GMCL1: variants seen among roughly 807,000 people sequenced by gnomAD.
GMCL1 encodes the protein germ cell-less 1, spermatogenesis associated, also known as germ cell-less protein-like 1.
GMCL1 carries 54 observed loss-of-function variants against 75.5 expected under a neutral mutation model. The observed-to-expected ratio is 0.71, with a 90% confidence interval of 0.57 to 0.90. The LOEUF (loss-of-function observed/expected upper bound fraction) is 0.90, where lower values mean the gene tolerates loss of function less well. GMCL1 is among the 40% of genes least tolerant of loss of function. GMCL1 has a pLI of 0.00. For missense variants in GMCL1, 537 were observed against 622.7 expected (o/e 0.86, Z 1.47); for synonymous variants, 210 against 209.6 (o/e 1.00, Z -0.02).
chr2:69,854,505 C>T (rs944777722), intron 8 of GMCL1, among the ~76,000 whole-genome samples: 3 of 152,066 alleles, frequency 2.0e-5, no homozygotes, highest in South Asian at 2.1e-4. Flanking sequence ...GGGATTCTGG[C>T]GAGAATGTGT....
In GMCL1 at chr2:69,830,142, AC is replaced by A. The variant is rs753268354; in HGVS notation, c.254del (p.Pro85LeufsTer6). The A allele has an allele frequency of 5.1e-6, 8 of 1,563,892 alleles. No individual in the cohort carries two copies. In the South Asian group the frequency reaches 9.4e-5, roughly 18 times the overall value. ...GGACGAGCAGCAGCGGCTCCTCAAC[AC>A]CCCTCGAAGGTACGTGGGGGCACGC... ...EGDEQQRLLN[T>X]PRRKKLKSTS... On this transcript the variant is annotated frameshift_variant, in exon 1 of 14. Coordinates refer to ENST00000282570, the MANE Select transcript of GMCL1 (RefSeq NM_178439.5). LOFTEE classifies it high-confidence loss of function.
chr2:69,854,768 T>G, intron 8 of GMCL1, 55 bp from the exon 9 acceptor site: 3 of 1,488,446 alleles, frequency 2.0e-6, no homozygotes, highest in Non-Finnish European at 2.8e-6. Context: ...ACAAAAACAT[T>G]TAAGAATAAT....
intron 9 of GMCL1, among the ~76,000 whole-genome samples, chr2:69,858,361 A>C (rs555058893): frequency 6.6e-6 from 1 of 152,354 alleles, no homozygotes; most frequent in Non-Finnish European, 1.5e-5. Context: ...AAAGTTTAAA[A>C]TAAGTGCGGA....
chr2:69,856,108 G>A (rs1418700706), intron 9 of GMCL1, among the ~76,000 whole-genome samples: 5 of 152,136 alleles, frequency 3.3e-5, no homozygotes, highest in East Asian at 1.9e-4. Context: ...CATTGTTACC[G>A]TATCTTACAG....
chr2:69,836,712 C>G (rs1310213078), intron 1 of GMCL1, among the ~76,000 whole-genome samples: 5 of 152,144 alleles, frequency 3.3e-5, no homozygotes, highest in African/African-American at 4.8e-5. Flanking sequence ...TGCCTAAGGC[C>G]TTTTCTTAGT....
rs191045594 is a variant in GMCL1, at chr2:69,867,563, A to C, written c.1219-2156A>C. ...CTTTCCCTATCACCTTTCTGACCACATTTCTACTTCTTATTTTGCTTGACT... is the reference window on the plus strand; with the variant it reads ...CTTTCCCTATCACCTTTCTGACCACCTTTCTACTTCTTATTTTGCTTGACT... On this transcript the variant is annotated intron_variant, in intron 11 of 13. Transcript: ENST00000282570. Among the ~76,000 whole-genome samples, 10 of 152,148 alleles carry C rather than the reference A, an allele frequency of 6.6e-5. No homozygotes were observed. The East Asian group carries it at 1.9e-3, about 29-fold the overall frequency.
rs147534979 is a variant in GMCL1, at chr2:69,839,511, A to G, written c.439A>G (p.Ile147Val). 136 of 1,606,466 alleles carry G rather than the reference A, an allele frequency of 8.5e-5. No individual in the cohort carries two copies. In the African/African-American group the frequency reaches 1.7e-3, roughly 20 times the overall value. The change falls in exon 3 of 14, where the codon ATT becomes GTT. Residue 147 changes from isoleucine to valine, a missense_variant. Physicochemically the swap from Ile to Val is conservative, Grantham distance 29. Around this residue, in one of 3 missense-constraint regions of GMCL1, gnomAD observed 48 missense variants for 85.0 expected, o/e 0.56. Coordinates refer to ENST00000282570, the MANE Select transcript of GMCL1 (RefSeq NM_178439.5). The part of the protein sequence containing the change: ...SGSWKESSMN[I>V]IELEIPDQNI... ...TTCTTGGAAAGAATCCAGCATGAAT[A>G]TTATTGAACTGGAGATTCCTGACCA... is the stretch of plus-strand genomic sequence containing the variant.
intron 13 of GMCL1, among the ~76,000 whole-genome samples, chr2:69,876,681 G>C (rs1676136664): frequency 6.6e-6 from 1 of 152,052 alleles, no homozygotes; most frequent in South Asian, 2.1e-4. Context: ...TGAAAAGCTG[G>C]GATGGAGAAT....
At chr2:69,834,496 C>G (rs1420778377) in intron 1 of GMCL1, among the ~76,000 whole-genome samples, 1 of 152,168 alleles carries the variant, frequency 6.6e-6, no homozygotes, top group Non-Finnish European at 1.5e-5. Flanking sequence ...TTTATTCATC[C>G]TCTGACTGGG....
intron 4 of GMCL1, 159 bp from the exon 5 acceptor site, chr2:69,842,990 T>TAAAAA: frequency 1.4e-5 from 3 of 213,714 alleles, no homozygotes; most frequent in South Asian, 1.2e-4. Flanking sequence ...TTGGACTTGT[T>TAAAAA]AAAAAAAAAA....
In GMCL1 at chr2:69,829,704, C is replaced by A. The variant is rs961031971; in HGVS notation, c.-189C>A. 1 of 635,250 alleles carries A rather than the reference C, an allele frequency of 1.6e-6. No homozygotes were observed. The highest frequency in any genetic ancestry group is 2.6e-6 in the Non-Finnish European group (1 of 382,626). The allele number at this position is 635,250 out of a possible 1,614,324, so 39.4% of individuals were successfully genotyped here. On this transcript the variant is annotated 5_prime_UTR_variant, in exon 1 of 14. Transcript: ENST00000282570. ...GGGGCGAGGTGCTGCGGTGCTAGAG[C>A]GCGGCGCGACCGGACGCTGCGGGCG...
At chr2:69,843,051 T>TG in intron 4 of GMCL1, 98 bp from the exon 5 acceptor site, 1 of 455,778 alleles carries the variant, frequency 2.2e-6, no homozygotes, top group Non-Finnish European at 3.7e-6. Context: ...TTTTCTTTCT[T>TG]CTTTTTTTTT....
At chr2:69,847,384 T>C (rs1253378219) in intron 6 of GMCL1, among the ~76,000 whole-genome samples, 159 bp from the exon 7 acceptor site, 1 of 152,232 alleles carries the variant, frequency 6.6e-6, no homozygotes, top group African/African-American at 2.4e-5. Flanking sequence ...TGTATCCAGA[T>C]AGATTGTTTT....
At chr2:69,859,042 A>T (rs1291284470) in intron 9 of GMCL1, among the ~76,000 whole-genome samples, 1 of 149,328 alleles carries the variant, frequency 6.7e-6, no homozygotes, top group Non-Finnish European at 1.5e-5. Context: ...GCTACTCGGG[A>T]GGCTGAGGCA....
intron 4 of GMCL1, among the ~76,000 whole-genome samples, chr2:69,841,997 C>T (rs1015712440): frequency 6.6e-6 from 1 of 152,182 alleles, no homozygotes; most frequent in Non-Finnish European, 1.5e-5. Flanking sequence ...GTTTAGCATA[C>T]ACAGTACCTT....
At chr2:69,841,503 G>T (rs2872075) in intron 4 of GMCL1, among the ~76,000 whole-genome samples, 92,154 of 152,020 alleles carry the variant, frequency 0.61, 30,645 homozygotes, top group African/African-American at 0.88. Flanking sequence ...TTTGTTCATT[G>T]AAGAGAAGTG....
chr2:69,863,362 T>G (rs950522074), intron 10 of GMCL1, among the ~76,000 whole-genome samples: 1 of 152,230 alleles, frequency 6.6e-6, no homozygotes, highest in Non-Finnish European at 1.5e-5. Context: ...AAGCATCTGC[T>G]CACTGCTGCA....
At position 69,861,308 on chromosome 2, in the gene GMCL1, G is replaced by C. The variant is rs1371044563; in HGVS notation, c.1103G>C (p.Trp368Ser). 9.9e-6 allele frequency: 16 copies of C among 1,609,698 alleles called. No homozygotes were observed. Among genetic ancestry groups the C allele is most frequent in the Non-Finnish European group, 1.4e-5 (16 of 1,176,964 alleles). ...CTCTCTTCTGTGTATAAACAGCAGT[G>C]GTTTGCTATGCTGCGGGCAGAACAG... The part of the protein sequence containing the change: ...EWLSSVYKQQ[W>S]FAMLRAEQDS... The change falls in exon 10 of 14, where the codon TGG becomes TCG. Residue 368 changes from tryptophan (W) to serine (S), a missense_variant. By Grantham distance (177) the Trp-to-Ser change is radical (BLOSUM62 -3). Around this residue, in one of 3 missense-constraint regions of GMCL1, gnomAD observed 345 missense variants for 410.5 expected, o/e 0.84. Coordinates refer to ENST00000282570, the MANE Select transcript of GMCL1 (RefSeq NM_178439.5).
chr2:69,877,697 A>G (rs937040059), intron 13 of GMCL1, among the ~76,000 whole-genome samples: 1 of 105,148 alleles, frequency 9.5e-6, no homozygotes, highest in African/African-American at 3.9e-5. Flanking sequence ...AGAGAGAGAG[A>G]TTGTGTGTTT....
Sources: gnomAD v4.1 joint callset for allele counts (sites outside exome capture counted in the v4.1 genomes callset) on GRCh38, gnomAD v4.1.1 for gene constraint, gnomAD v4.1.1 regional missense constraint, MANE v1.5 for transcripts, NCBI Gene and HGNC (gene_info 2026-07-23, HGNC 2026-07-21) for gene names.